HEATR5A: variants seen among roughly 807,000 people sequenced by gnomAD.
HEATR5A encodes the protein HEAT repeat-containing protein 5A.
Under a neutral mutation model 218.8 loss-of-function variants are expected in HEATR5A, and 178 were observed. That is an observed-to-expected ratio of 0.81 (90% CI 0.72 to 0.92). HEATR5A has a LOEUF of 0.92. Among genes scored for constraint, HEATR5A ranks in the 40% least tolerant of loss-of-function variants. The pLI, the probability that HEATR5A is intolerant of heterozygous loss-of-function variation, is 0.00. For missense variants in HEATR5A, 2,420 were observed against 2,418.9 expected, an observed-to-expected ratio of 1.00 and a Z score of -0.01; for synonymous variants, 864 against 871.6, an observed-to-expected ratio of 0.99 and a Z score of 0.15.
At position 31,394,121 on chromosome 14, in the gene HEATR5A, G is replaced by C. The variant is rs575342566; in HGVS notation, c.703C>G (p.Arg235Gly). 6.5e-7 allele frequency: 1 copy of C among 1,534,730 alleles called. No individual in the cohort carries two copies. The highest frequency in any genetic ancestry group is 8.7e-7 in the Non-Finnish European group (1 of 1,145,732). ...CCTAGTAACTTTGAAACAGAAATCC[G>C]CACATCATAATTGGAACCTTCAAAG... ...KSFEGSNYDV[R>G]ISVSKLLGII... The change falls in exon 6 of 36, where the codon CGG becomes GGG. Residue 235 changes from arginine (R) to glycine (G), a missense_variant. Physicochemically the swap from Arg to Gly is moderately radical, Grantham distance 125. Coordinates refer to ENST00000543095, the MANE Select transcript of HEATR5A (RefSeq NM_015473.4).
chr14:31,330,748 G>T (rs558914494), intron 22 of HEATR5A, among the ~76,000 whole-genome samples: 1 of 151,366 alleles, frequency 6.6e-6, no homozygotes, highest in Non-Finnish European at 1.5e-5. Flanking sequence ...CCAAGATTGC[G>T]CCACTGTGCT....
rs1901556493 is a variant in HEATR5A at position 31,359,750 on chromosome 14, A to AAAAG, written c.2072-697_2072-694dup. ...AAGACAAAAAAAAAAAAAAAAAAAA[A>AAAAG]AAAGAATTATCCTGAGAAAACTTAG... On this transcript the variant is annotated intron_variant, in intron 14 of 35. Transcript: ENST00000543095. Among the ~76,000 whole-genome samples, 3 of 151,346 alleles carry AAAAG rather than the reference A, an allele frequency of 2.0e-5. No homozygotes were observed. The East Asian group carries it at 5.8e-4, about 29-fold the overall frequency.
chr14:31,323,152 A>T (rs143379859), intron 24 of HEATR5A, among the ~76,000 whole-genome samples: 1 of 152,192 alleles, frequency 6.6e-6, no homozygotes, highest in Non-Finnish European at 1.5e-5. Context: ...AATGCATTGC[A>T]CCTGCTCATT....
At chr14:31,321,743 G>A in intron 24 of HEATR5A, 63 bp from the exon 25 acceptor site, 7 of 1,240,768 alleles carry the variant, frequency 5.6e-6, no homozygotes, top group Non-Finnish European at 7.8e-6. Context: ...AAATGTGCTG[G>A]AACTAAGACT....
rs768136503 is a variant in HEATR5A, at chr14:31,359,076, A to C, written c.2072-19T>G. On this transcript the variant is annotated intron_variant, in intron 14 of 35. Coordinates refer to ENST00000543095, the MANE Select transcript of HEATR5A (RefSeq NM_015473.4). ...AGGTTTCCTGTTGAGTCACAGAAAAAGAGCAATTAGTACTATTAATTATCT... is the reference window on the plus strand; with the variant it reads ...AGGTTTCCTGTTGAGTCACAGAAAACGAGCAATTAGTACTATTAATTATCT... 14 of 1,590,880 alleles carry C rather than the reference A, an allele frequency of 8.8e-6. No homozygotes were observed. In the South Asian group the frequency reaches 1.6e-4, roughly 19 times the overall value.
At chr14:31,393,323 A>C (rs2139292986) in intron 6 of HEATR5A, among the ~76,000 whole-genome samples, 1 of 152,326 alleles carries the variant, frequency 6.6e-6, no homozygotes, top group South Asian at 2.1e-4. Context: ...CAGCAGAGCT[A>C]ACATGGTGAA....
At chr14:31,414,245 G>A (rs2031375236) in intron 1 of HEATR5A, among the ~76,000 whole-genome samples, 1 of 152,146 alleles carries the variant, frequency 6.6e-6, no homozygotes, top group African/African-American at 2.4e-5. Context: ...TCACTAGCTA[G>A]CAATCACACT....
chr14:31,417,474 A>G (rs2031490986), intron 1 of HEATR5A, among the ~76,000 whole-genome samples: 1 of 152,124 alleles, frequency 6.6e-6, no homozygotes, highest in Non-Finnish European at 1.5e-5. Flanking sequence ...AATCCCAGCT[A>G]CTCGGGAGGC....
intron 1 of HEATR5A, among the ~76,000 whole-genome samples, chr14:31,411,933 G>A (rs2031288773): frequency 6.6e-6 from 1 of 151,876 alleles, no homozygotes. Flanking sequence ...TTGGCTCATT[G>A]CAAGCACTGC....
Position 31,398,716 on chromosome 14 carries a change from G to A in HEATR5A, c.404C>T (p.Thr135Ile), listed in dbSNP as rs1410394023. 6.5e-7 allele frequency: 1 copy of A among 1,532,320 alleles called. No homozygotes were observed. Among genetic ancestry groups the A allele is most frequent in the South Asian group, 1.2e-5 (1 of 83,934 alleles). The allele number at this position is 1,532,320 out of a possible 1,614,324, so 94.9% of individuals were successfully genotyped here. A position where few individuals can be genotyped will look rare whatever the true frequency, so the allele number is the denominator to read the frequency against. ...TTTAAGAATATTCCCCACTGTATCA[G>A]TAAAGGTGTTACCCAGTATTCTACC... The part of the protein sequence containing the change: ...KLGRILGNTF[T>I]DTVGNILKAM... The change falls in exon 4 of 36, where the codon ACT becomes ATT. Residue 135 changes from threonine to isoleucine, a missense_variant. Thr to Ile is a moderately conservative substitution (Grantham distance 89, BLOSUM62 -1). Transcript: ENST00000543095.
chr14:31,407,378 T>C (rs536675540), intron 1 of HEATR5A, among the ~76,000 whole-genome samples: 1 of 152,292 alleles, frequency 6.6e-6, no homozygotes, highest in African/African-American at 2.4e-5. Context: ...AACTTGGGAA[T>C]CTTGCATTAA....
At chr14:31,307,658 C>T (rs760542216) in intron 30 of HEATR5A, among the ~76,000 whole-genome samples, 146 of 152,284 alleles carry the variant, frequency 9.6e-4, no homozygotes, top group Non-Finnish European at 8.4e-4. Context: ...ATATAGAACC[C>T]TCCCATCATT....
intron 6 of HEATR5A, among the ~76,000 whole-genome samples, chr14:31,389,804 C>A (rs2030375894): frequency 6.6e-6 from 1 of 152,122 alleles, no homozygotes; most frequent in African/African-American, 2.4e-5. Flanking sequence ...AAATGAAAAT[C>A]TAACTTGGCA....
chr14:31,312,909 A>C lies in HEATR5A; in HGVS notation c.4441+59T>G, dbSNP rs530653571. ...TAAGACCCTGTCAAAAACAAAAAAA[A>C]AGAAAAGAAAATGTGTTACTGTCAC... On this transcript the variant is annotated intron_variant, in intron 28 of 35. Coordinates refer to ENST00000543095, the MANE Select transcript of HEATR5A (RefSeq NM_015473.4). 2.4e-5 allele frequency: 34 copies of C among 1,396,052 alleles called. 1 individual carries two copies. In the East Asian group the frequency reaches 7.4e-4, roughly 30 times the overall value. 86.5% of individuals were successfully genotyped at this position (1,396,052 alleles called of 1,614,324 possible). A position where few individuals can be genotyped will look rare whatever the true frequency, so the allele number is the denominator to read the frequency against.
chr14:31,313,284 T>TTGAGCATACTGGACTTGAAA (rs1899814802), intron 27 of HEATR5A, 94 bp from the exon 28 acceptor site: 20 of 880,852 alleles, frequency 2.3e-5, no homozygotes, highest in Middle Eastern at 3.5e-4. Flanking sequence ...AGACTTACCT[T>TTGAGCATACTGGACTTGAAA]TGAGCATACT....
At chr14:31,320,233 G>T (rs528300345) in intron 25 of HEATR5A, 5 of 668,038 alleles carry the variant, frequency 7.5e-6, no homozygotes, top group Admixed American at 5.4e-5. Context: ...CTCACATGGC[G>T]AACAGGATGA....
intron 11 of HEATR5A, among the ~76,000 whole-genome samples, chr14:31,377,890 T>G (rs1342004243): frequency 6.6e-6 from 1 of 152,178 alleles, no homozygotes; most frequent in Non-Finnish European, 1.5e-5. Context: ...AAACCTTAAT[T>G]AAAACTTTTA....
intron 13 of HEATR5A, 137 bp downstream of exon 13, chr14:31,371,673 A>C: frequency 2.3e-6 from 1 of 435,220 alleles, no homozygotes; most frequent in Non-Finnish European, 4.1e-6. Context: ...TCCTAGCCTA[A>C]AAAAAAATCA....
intron 6 of HEATR5A, among the ~76,000 whole-genome samples, chr14:31,391,402 G>GTA: frequency 6.6e-6 from 1 of 152,074 alleles, no homozygotes; most frequent in African/African-American, 2.4e-5. Context: ...GCCTCCCAAA[G>GTA]TGCTGGGATT....
Sources: gnomAD v4.1 joint callset for allele counts (sites outside exome capture counted in the v4.1 genomes callset) on GRCh38, gnomAD v4.1.1 for gene constraint, MANE v1.5 for transcripts, NCBI Gene and HGNC (gene_info 2026-07-23, HGNC 2026-07-21) for gene names.